The following PLA2G4C variants were observed in gnomAD, a reference collection of about 807,000 sequenced individuals.
PLA2G4C encodes cytosolic phospholipase A2 gamma.
A neutral mutation model predicts 73.8 loss-of-function variants in PLA2G4C; 64 were observed. The ratio of observed to expected loss-of-function variants is 0.87; its 90% CI spans 0.71 to 1.07. The LOEUF is 1.07. Among genes scored for constraint, PLA2G4C ranks in the 50% least tolerant of loss-of-function variants. The probability of loss-of-function intolerance (pLI) is 0.00; values close to 1 mark genes in which losing one functional copy is unlikely to be tolerated. For missense variants in PLA2G4C, 622 were observed against 665.4 expected, an observed-to-expected ratio of 0.93 and a Z score of 0.72; for synonymous variants, 254 against 252.1, an observed-to-expected ratio of 1.01 and a Z score of -0.07.
chr19:48,097,251 C>CTTCTTTTTTTTT (rs1340148092), intron 6 of PLA2G4C: 2 of 86,568 alleles, frequency 2.3e-5, no homozygotes, highest in African/African-American at 9.7e-5. Flanking sequence ...TTTCTTTTTT[C>CTTCTTTTTTTTT]TTTTTTTTTT....
At chr19:48,098,713 T>TGAAAAAAAAA (rs2031738109) in intron 5 of PLA2G4C, among the ~76,000 whole-genome samples, 1 of 30,860 alleles carries the variant, frequency 3.2e-5, no homozygotes, top group Non-Finnish European at 5.9e-5. Flanking sequence ...ACCCTATCTC[T>TGAAAAAAAAA]AAAAAAAAAA....
chr19:48,076,192 A>G (rs2030143342), intron 11 of PLA2G4C, among the ~76,000 whole-genome samples: 1 of 152,212 alleles, frequency 6.6e-6, no homozygotes, highest in Non-Finnish European at 1.5e-5. Flanking sequence ...CTCAGGACCT[A>G]CCTTCACTCT....
At chr19:48,095,392 C>A in intron 7 of PLA2G4C, 72 bp downstream of exon 7, 1 of 1,450,766 alleles carries the variant, frequency 6.9e-7, no homozygotes, top group East Asian at 2.3e-5. Flanking sequence ...CAAACTAGAC[C>A]CTCAGAAGGA....
intron 11 of PLA2G4C, 24 bp from the exon 12 acceptor site, chr19:48,074,898 C>T (rs1334389823): frequency 1.4e-5 from 21 of 1,481,824 alleles, no homozygotes; most frequent in Non-Finnish European, 1.9e-5. Context: ...TCCAGGTGGT[C>T]TCAGACACTG....
In PLA2G4C at chr19:48,105,921, C is replaced by T. The variant is rs1568457401; in HGVS notation, c.9-477G>A. ...TCCCTCCCTCCCTCCCTCCCTCCCTCCCTCCCTCCCTCCCTCCCTCCCTCC... is the reference window on the plus strand; with the variant it reads ...TCCCTCCCTCCCTCCCTCCCTCCCTTCCTCCCTCCCTCCCTCCCTCCCTCC... On this transcript the variant is annotated intron_variant, in intron 2 of 16. Transcript: ENST00000599921. Among the ~76,000 whole-genome samples the T allele has an allele frequency of 1.9e-3, 29 of 15,212 alleles. 2 individuals carry two copies. Among genetic ancestry groups the T allele is most frequent in the African/African-American group, 3.3e-3 (4 of 1,218 alleles). The allele number at this position is 15,212 out of a possible 152,430, so 10.0% of individuals were successfully genotyped here.
chr19:48,067,882 T>C lies in PLA2G4C; in HGVS notation c.1011A>G (p.Ser337=). 2.5e-6 allele frequency: 4 copies of C among 1,612,026 alleles called. No homozygotes were observed. Among genetic ancestry groups the C allele is most frequent in the South Asian group, 1.1e-5 (1 of 91,048 alleles). ...TCACAAAATCCATCAAGTTACTGAG[T>C]GAGCCTAGGGAAAGAAGCCGAGACA... ...QPHEDPERKG[S]LSNLMDFVKK... Residue 337 remains serine, a synonymous_variant, in exon 13 of 17, where the codon TCA becomes TCG. Transcript: ENST00000599921.
chr19:48,101,738 G>A (rs114574971), intron 4 of PLA2G4C, among the ~76,000 whole-genome samples: 19,562 of 146,702 alleles, frequency 0.13, 1,347 homozygotes, highest in African/African-American at 0.17. Flanking sequence ...ACAGTGGTTC[G>A]AGCTCGGCTC....
At chr19:48,057,480 C>A (rs200038750) in intron 14 of PLA2G4C, among the ~76,000 whole-genome samples, 1 of 28,082 alleles carries the variant, frequency 3.6e-5, no homozygotes. Flanking sequence ...TCTTCTTCTT[C>A]TTCTTTTTTT....
intron 14 of PLA2G4C, among the ~76,000 whole-genome samples, chr19:48,058,647 G>A (rs561177421): frequency 5.3e-5 from 8 of 151,896 alleles, no homozygotes; most frequent in East Asian, 2.0e-4. Flanking sequence ...GCAAAACCCC[G>A]TCTCTACTAA....
chr19:48,098,274 G>T lies in PLA2G4C; in HGVS notation c.448-15C>A, dbSNP rs780900067. On this transcript the variant is annotated splice_polypyrimidine_tract_variant and intron_variant, in intron 5 of 16. Transcript: ENST00000599921. ...GACTCCGGCAGCTTTGGGAGAAGGT[G>T]CCAAGACAGTGTGAGGGAGGCATGT... The T allele has an allele frequency of 6.2e-7, 1 of 1,603,410 alleles. No individual in the cohort carries two copies. Among genetic ancestry groups the T allele is most frequent in the Non-Finnish European group, 8.5e-7 (1 of 1,174,270 alleles).
chr19:48,092,149 A>C (rs900756207), intron 7 of PLA2G4C, among the ~76,000 whole-genome samples: 2 of 152,044 alleles, frequency 1.3e-5, no homozygotes, highest in Non-Finnish European at 2.9e-5. Flanking sequence ...TCTCGAGATC[A>C]AGAGATTCTC....
intron 12 of PLA2G4C, 88 bp downstream of exon 12, chr19:48,074,673 GCAGGAC>G: frequency 1.2e-6 from 1 of 821,638 alleles, no homozygotes; most frequent in Non-Finnish European, 2.2e-6. Context: ...CATGTCCCCT[GCAGGAC>G]TGGCCCACAG....
chr19:48,082,374 C>T (rs920647896), intron 10 of PLA2G4C, among the ~76,000 whole-genome samples: 7 of 151,846 alleles, frequency 4.6e-5, no homozygotes, highest in South Asian at 2.1e-4. Context: ...GCTGAAAATG[C>T]GATAGAAAGC....
chr19:48,077,470 C>G (rs1316422999), intron 11 of PLA2G4C, among the ~76,000 whole-genome samples: 1 of 152,080 alleles, frequency 6.6e-6, no homozygotes, highest in Non-Finnish European at 1.5e-5. Flanking sequence ...GAAACACATC[C>G]CATGCTCATG....
chr19:48,110,571 T>C lies in PLA2G4C; in HGVS notation c.-117A>G. The stretch of plus-strand genomic sequence containing the variant: ...TGCGGAGGCTTGGGCTCCCTGCGCT[T>C]AGCGGTGTAGTCGCTGGACAGCTCC... On this transcript the variant is annotated 5_prime_UTR_variant, in exon 1 of 17. Transcript: ENST00000599921. 2.8e-6 allele frequency: 1 copy of C among 356,032 alleles called. No homozygotes were observed. Among genetic ancestry groups the C allele is most frequent in the Non-Finnish European group, 3.6e-6 (1 of 277,832 alleles). The allele number at this position is 356,032 out of a possible 1,614,324, so 22.1% of individuals were successfully genotyped here. A position where few individuals can be genotyped will look rare whatever the true frequency, so the allele number is the denominator to read the frequency against.
chr19:48,056,967 A>C (rs960496431), intron 14 of PLA2G4C, among the ~76,000 whole-genome samples: 6 of 152,058 alleles, frequency 3.9e-5, no homozygotes, highest in Non-Finnish European at 8.8e-5. Context: ...AACAACACAC[A>C]CTGGGGCCTA....
At chr19:48,073,879 A>C (rs2029954927) in intron 12 of PLA2G4C, among the ~76,000 whole-genome samples, 1 of 152,092 alleles carries the variant, frequency 6.6e-6, no homozygotes, top group South Asian at 2.1e-4. Flanking sequence ...GATGACGCTA[A>C]GCCATTCATG....
intron 10 of PLA2G4C, among the ~76,000 whole-genome samples, 198 bp from the exon 11 acceptor site, chr19:48,078,022 T>C (rs2030285772): frequency 6.6e-6 from 1 of 152,130 alleles, no homozygotes; most frequent in Admixed American, 6.6e-5. Context: ...AGCTTGAAAT[T>C]TGCCATGATG....
chr19:48,048,417 C>T lies in PLA2G4C; in HGVS notation c.1581-29G>A, dbSNP rs772165469. On this transcript the variant is annotated intron_variant, in intron 16 of 16. Coordinates refer to ENST00000599921, the MANE Select transcript of PLA2G4C (RefSeq NM_003706.3). ...GGGAGAAAGGAAAGTTAGAAGTTACCACTGTGCTTTGTAGGCAGTGTTGCA... is the reference window on the plus strand; with the variant it reads ...GGGAGAAAGGAAAGTTAGAAGTTACTACTGTGCTTTGTAGGCAGTGTTGCA... 15 of 1,558,172 alleles carry T rather than the reference C, an allele frequency of 9.6e-6. No individual in the cohort carries two copies. The East Asian group carries it at 3.3e-4, about 34-fold the overall frequency.
Sources: allele counts gnomAD v4.1 joint callset (sites outside exome capture counted in the v4.1 genomes callset), GRCh38; gene constraint gnomAD v4.1.1; transcripts MANE v1.5; gene names NCBI Gene and HGNC (gene_info 2026-07-23, HGNC 2026-07-21).